Variants in FAM220A observed in about 807,000 individuals in gnomAD.
The protein encoded by FAM220A is family with sequence similarity 220 member A, also known as protein FAM220A.
For missense variants in FAM220A, 392 were observed against 321.6 expected (o/e 1.22, Z -1.68); for synonymous variants, 141 against 130.7 (o/e 1.08, Z -0.54).
At position 6,331,181 on chromosome 7, in the gene FAM220A, C is replaced by G; in HGVS notation, c.-27G>C. On this transcript the variant is annotated 5_prime_UTR_variant, in exon 2 of 2. Coordinates refer to ENST00000313324, the MANE Select transcript of FAM220A (RefSeq NM_001037163.2). Reference sequence around the variant, plus strand: ...CTTCGTGTTCTTGGATGCGGTGGGCCTGAGGTCACGCCTTCGTCAGTCTGG... The same window carrying G: ...CTTCGTGTTCTTGGATGCGGTGGGCGTGAGGTCACGCCTTCGTCAGTCTGG... 6.3e-7 allele frequency: 1 copy of G among 1,593,374 alleles called. No individual in the cohort carries two copies. The highest frequency in any genetic ancestry group is 2.2e-5 in the East Asian group (1 of 44,690).
intron 1 of FAM220A, 114 bp downstream of exon 1, chr7:6,348,459 G>A (rs1583243550): frequency 7.4e-6 from 3 of 402,726 alleles, no homozygotes; most frequent in Non-Finnish European, 1.3e-5. Flanking sequence ...AAAATGCACG[G>A]TGCTTGACAT....
At chr7:6,341,650 A>C (rs1328585178) in intron 1 of FAM220A, among the ~76,000 whole-genome samples, 7 of 149,800 alleles carry the variant, frequency 4.7e-5, no homozygotes, top group Non-Finnish European at 5.9e-5. Context: ...AGATCGCGCC[A>C]CCGCACTCTA....
chr7:6,343,932 C>G (rs1781911852), intron 1 of FAM220A, among the ~76,000 whole-genome samples: 1 of 152,124 alleles, frequency 6.6e-6, no homozygotes, highest in Admixed American at 6.6e-5. Context: ...GTCACCCATG[C>G]TGGAGAGCAG....
At chr7:6,337,141 AGCTCACT>A (rs1781764379) in intron 1 of FAM220A, among the ~76,000 whole-genome samples, 1 of 149,010 alleles carries the variant, frequency 6.7e-6, no homozygotes, top group South Asian at 2.1e-4. Context: ...GCGCAATCTC[AGCTCACT>A]GCAGCCTCTG....
intron 1 of FAM220A, among the ~76,000 whole-genome samples, chr7:6,338,330 C>A (rs1467968208): frequency 6.6e-6 from 1 of 152,068 alleles, no homozygotes; most frequent in Non-Finnish European, 1.5e-5. Flanking sequence ...TATACAAAAT[C>A]AGCTCTTTTT....
At chr7:6,333,070 T>C (rs117569444) in intron 1 of FAM220A, among the ~76,000 whole-genome samples, 2,474 of 151,316 alleles carry the variant, frequency 0.016, 27 homozygotes, top group Non-Finnish European at 0.026. Context: ...AGCGAGAGAA[T>C]TGCGTGAACC....
intron 1 of FAM220A, among the ~76,000 whole-genome samples, chr7:6,332,899 G>A (rs1225546581): frequency 1.3e-5 from 2 of 152,116 alleles, no homozygotes; most frequent in Non-Finnish European, 2.9e-5. Context: ...AGTGGCTCAT[G>A]CCTGTAATCC....
At chr7:6,337,988 G>A (rs751586619) in intron 1 of FAM220A, among the ~76,000 whole-genome samples, 1 of 150,980 alleles carries the variant, frequency 6.6e-6, no homozygotes, top group Non-Finnish European at 1.5e-5. Flanking sequence ...ATTTTCAGTA[G>A]AGACATGGTT....
chr7:6,345,408 C>T (rs572113832), intron 1 of FAM220A, among the ~76,000 whole-genome samples: 1 of 152,156 alleles, frequency 6.6e-6, no homozygotes, highest in Non-Finnish European at 1.5e-5. Flanking sequence ...AGCCACCACA[C>T]CCAGCCCTCG....
intron 1 of FAM220A, among the ~76,000 whole-genome samples, chr7:6,337,108 C>G (rs1282844223): frequency 6.8e-6 from 1 of 146,676 alleles, no homozygotes; most frequent in African/African-American, 2.5e-5. Context: ...CTCTCTCTGT[C>G]TCGCCCAGGC....
In FAM220A at chr7:6,330,617, C is replaced by G. The variant is rs535616324; in HGVS notation, c.538G>C (p.Gly180Arg). Residue 180 changes from glycine (G) to arginine (R), a missense_variant, in exon 2 of 2, where the codon GGC becomes CGC. By Grantham distance (125) the Gly-to-Arg change is moderately radical. Transcript: ENST00000313324. The part of the protein sequence containing the change: ...DPPSAFPKGL[G>R]SELEPACLHS... ...AGGCAAGCGGGTTCCAACTCAGAGC[C>G]CAGACCCTTGGGAAAAGCACTTGGT... The G allele has an allele frequency of 6.2e-7, 1 of 1,614,108 alleles. No individual in the cohort carries two copies. The highest frequency in any genetic ancestry group is 1.3e-5 in the African/African-American group (1 of 75,032).
At chr7:6,340,802 G>C (rs919837969) in intron 1 of FAM220A, among the ~76,000 whole-genome samples, 2 of 151,058 alleles carry the variant, frequency 1.3e-5, no homozygotes, top group African/African-American at 4.9e-5. Context: ...GGGAGGCTGA[G>C]GCAGGAGAAT....
chr7:6,343,904 T>C (rs1270629685), intron 1 of FAM220A, among the ~76,000 whole-genome samples: 1 of 152,112 alleles, frequency 6.6e-6, no homozygotes, highest in Non-Finnish European at 1.5e-5. Flanking sequence ...TATGGCTTTT[T>C]CTTTTTAGTC....
chr7:6,342,225 T>G (rs1312464984), intron 1 of FAM220A, among the ~76,000 whole-genome samples: 1 of 151,724 alleles, frequency 6.6e-6, no homozygotes, highest in Non-Finnish European at 1.5e-5. Flanking sequence ...ACTTTCTCTT[T>G]CTCTCTCTCT....
chr7:6,330,968 G>A lies in FAM220A; in HGVS notation c.187C>T (p.Leu63=), dbSNP rs1225157578. ...DGNSQSEALS[L]EMRKDPSGAG... is the part of the protein sequence containing the mutation. Reference sequence around the variant, plus strand: ...CCGCTCGGATCCTTTCTCATTTCCAGTGATAATGCCTCACTTTGTGAATTT... The same window carrying A: ...CCGCTCGGATCCTTTCTCATTTCCAATGATAATGCCTCACTTTGTGAATTT... The change falls in exon 2 of 2, where the codon CTG becomes TTG. Residue 63 remains leucine (L), a synonymous_variant. Transcript: ENST00000313324. 1 of 1,614,256 alleles carries A rather than the reference G, an allele frequency of 6.2e-7. No individual in the cohort carries two copies. Among genetic ancestry groups the A allele is most frequent in the Non-Finnish European group, 8.5e-7 (1 of 1,180,048 alleles).
chr7:6,333,736 G>A (rs534540677), intron 1 of FAM220A, among the ~76,000 whole-genome samples: 43 of 150,440 alleles, frequency 2.9e-4, no homozygotes, highest in South Asian at 6.3e-4. Context: ...AGTGCACTTC[G>A]AAGAGATCCA....
At chr7:6,332,932 G>C (rs568422438) in intron 1 of FAM220A, among the ~76,000 whole-genome samples, 5 of 152,124 alleles carry the variant, frequency 3.3e-5, no homozygotes, top group Non-Finnish European at 7.4e-5. Flanking sequence ...AGGCCAAGGC[G>C]GACAAATCAT....
At chr7:6,339,283 C>G (rs1030103209) in intron 1 of FAM220A, among the ~76,000 whole-genome samples, 8 of 151,990 alleles carry the variant, frequency 5.3e-5, no homozygotes, top group Non-Finnish European at 8.8e-5. Context: ...GCCTGAGCAA[C>G]ACAGCAAGAC....
chr7:6,343,397 CATATATATATATATATATATAT>C (rs10529573), intron 1 of FAM220A, among the ~76,000 whole-genome samples: 2,227 of 86,990 alleles, frequency 0.026, 79 homozygotes, highest in African/African-American at 0.077. Flanking sequence ...ATAATAATTT[CATATATATATATATATATATAT>C]ATATATATAT....
Sources: gnomAD v4.1 joint callset for allele counts (sites outside exome capture counted in the v4.1 genomes callset) on GRCh38, gnomAD v4.1.1 for gene constraint, MANE v1.5 for transcripts, NCBI Gene and HGNC (gene_info 2026-07-23, HGNC 2026-07-21) for gene names.